The following MDFIC2 variants were observed in gnomAD, a reference collection of about 807,000 sequenced individuals.
MDFIC2 encodes MyoD family inhibitor domain containing 2.
chr3:70,265,877 G>A (rs1701912348), intron 2 of MDFIC2, among the ~76,000 whole-genome samples: 2 of 152,134 alleles, frequency 1.3e-5, no homozygotes, highest in Non-Finnish European at 1.5e-5. Context: ...CAGATCTCAT[G>A]AGACTCACTC....
At chr3:70,218,220 CTT>C (rs1701432973) in intron 2 of MDFIC2, among the ~76,000 whole-genome samples, 1 of 152,120 alleles carries the variant, frequency 6.6e-6, no homozygotes, top group Non-Finnish European at 1.5e-5. Context: ...GGTTAAAACA[CTT>C]ATTTCTATTT....
rs532828133 is a variant in MDFIC2, at chr3:70,255,909, C to T, written c.89-49119G>A. Among the ~76,000 whole-genome samples the T allele has an allele frequency of 2.6e-5, 4 of 152,094 alleles. No individual in the cohort carries two copies. In the East Asian group the frequency reaches 5.8e-4, roughly 22 times the overall value. On this transcript the variant is annotated intron_variant, in intron 2 of 3. Transcript: ENST00000567252. ...AAACTGTGTGGATCCTGAGCATTTA[C>T]AGGAAAAAAATTCTAATTACAGGGA...
At chr3:70,303,271 T>C (rs957904554) in intron 2 of MDFIC2, among the ~76,000 whole-genome samples, 6 of 152,170 alleles carry the variant, frequency 3.9e-5, no homozygotes, top group African/African-American at 1.4e-4. Flanking sequence ...AAGAAGCATC[T>C]ACCTCTCATT....
intron 2 of MDFIC2, among the ~76,000 whole-genome samples, chr3:70,264,539 A>T (rs1179914758): frequency 6.6e-6 from 1 of 152,230 alleles, no homozygotes; most frequent in Non-Finnish European, 1.5e-5. Context: ...ATTGGTGAGC[A>T]TGGACTTTGA....
intron 2 of MDFIC2, among the ~76,000 whole-genome samples, chr3:70,294,635 T>C (rs1702272483): frequency 6.6e-6 from 1 of 152,204 alleles, no homozygotes; most frequent in South Asian, 2.1e-4. Flanking sequence ...ACAGAAAACG[T>C]CAACTCAAAC....
chr3:70,307,193 G>T (rs905261686), intron 2 of MDFIC2, among the ~76,000 whole-genome samples: 7 of 152,032 alleles, frequency 4.6e-5, no homozygotes, highest in African/African-American at 1.7e-4. Flanking sequence ...TATTGTTGTT[G>T]TTTTGGTGGT....
At chr3:70,304,988 G>A (rs1305863341) in intron 2 of MDFIC2, among the ~76,000 whole-genome samples, 1 of 151,888 alleles carries the variant, frequency 6.6e-6, no homozygotes, top group Non-Finnish European at 1.5e-5. Flanking sequence ...CCAATGGAAT[G>A]CTTTTCCCAG....
At chr3:70,268,629 A>G (rs1701946473) in intron 2 of MDFIC2, among the ~76,000 whole-genome samples, 1 of 152,178 alleles carries the variant, frequency 6.6e-6, no homozygotes, top group South Asian at 2.1e-4. Context: ...GTATATTGAC[A>G]TGTAGCTTTC....
intron 2 of MDFIC2, among the ~76,000 whole-genome samples, chr3:70,255,773 A>G (rs976293896): frequency 5.9e-5 from 9 of 152,102 alleles, no homozygotes; most frequent in African/African-American, 1.9e-4. Flanking sequence ...CTATTTTTCA[A>G]CTGCAGCTTA....
chr3:70,254,611 A>G (rs1413581626), intron 2 of MDFIC2, among the ~76,000 whole-genome samples: 1 of 152,190 alleles, frequency 6.6e-6, no homozygotes, highest in Non-Finnish European at 1.5e-5. Context: ...CCAAAAGTGG[A>G]AAACAATTTT....
At chr3:70,300,530 A>G (rs1338588631) in intron 2 of MDFIC2, among the ~76,000 whole-genome samples, 1 of 152,004 alleles carries the variant, frequency 6.6e-6, no homozygotes, top group Non-Finnish European at 1.5e-5. Context: ...TATTATATAT[A>G]TATTAGCCTT....
chr3:70,221,552 A>T (rs1449490680), intron 2 of MDFIC2, among the ~76,000 whole-genome samples: 6 of 152,066 alleles, frequency 3.9e-5, no homozygotes, highest in Non-Finnish European at 8.8e-5. Context: ...CAGGAGCTTT[A>T]TGGCCTATTT....
intron 2 of MDFIC2, among the ~76,000 whole-genome samples, chr3:70,305,338 A>C (rs78296581): frequency 0.04 from 6,073 of 152,280 alleles, 160 homozygotes; most frequent in East Asian, 0.08. Context: ...TGAAAACTAC[A>C]GAAATAAGAG....
At chr3:70,211,422 TGCCCTTCCCTTC>T (rs1701346110) in intron 2 of MDFIC2, among the ~76,000 whole-genome samples, 1 of 24,104 alleles carries the variant, frequency 4.1e-5, no homozygotes, top group Non-Finnish European at 1.0e-4. Context: ...CCCTTCCCTT[TGCCCTTCCCTTC>T]CCTTCCCTTC....
chr3:70,288,704 G>T (rs1702193920), intron 2 of MDFIC2, among the ~76,000 whole-genome samples: 1 of 151,904 alleles, frequency 6.6e-6, no homozygotes, highest in East Asian at 1.9e-4. Flanking sequence ...AAGTCTCTTT[G>T]TAGGTCACTC....
intron 2 of MDFIC2, among the ~76,000 whole-genome samples, chr3:70,267,570 T>C (rs951163860): frequency 0.021 from 767 of 37,060 alleles, 5 homozygotes; most frequent in African/African-American, 0.054. Flanking sequence ...GCCCGGCTAA[T>C]TTTTTGTATT....
intron 2 of MDFIC2, among the ~76,000 whole-genome samples, chr3:70,265,328 G>T (rs1021590234): frequency 4.6e-5 from 7 of 152,176 alleles, no homozygotes; most frequent in Non-Finnish European, 7.3e-5. Context: ...TCCCAAGTGT[G>T]ATATTCTTTT....
Position 70,194,839 on chromosome 3 carries a change from T to C in MDFIC2, c.*2087A>G, listed in dbSNP as rs1701160701. On this transcript the variant is annotated 3_prime_UTR_variant, in exon 4 of 4. Coordinates refer to ENST00000567252, the MANE Select transcript of MDFIC2 (RefSeq NM_001364677.1). ...CAGGTACCATATTATAGGAATAGGGTTCCAGAGACCCCCAGGTGTTCCTCC... is the reference window on the plus strand; with the variant it reads ...CAGGTACCATATTATAGGAATAGGGCTCCAGAGACCCCCAGGTGTTCCTCC... Among the ~76,000 whole-genome samples, 1 of 152,138 alleles carries C rather than the reference T, an allele frequency of 6.6e-6. No individual in the cohort carries two copies. The highest frequency in any genetic ancestry group is 1.5e-5 in the Non-Finnish European group (1 of 68,028).
In MDFIC2 at chr3:70,250,409, T is replaced by TCACACA. The variant is rs1491108341; in HGVS notation, c.89-43620_89-43619insTGTGTG. On this transcript the variant is annotated intron_variant, in intron 2 of 3. Transcript: ENST00000567252. ...TATTCGGTATTTTTCTTTTAATGAATCTCACACACACACACACACACACAC... is the reference window on the plus strand; with the variant it reads ...TATTCGGTATTTTTCTTTTAATGAATCACACACTCACACACACACACACACACACAC... 7.6e-3 allele frequency among the ~76,000 whole-genome samples: 960 copies of TCACACA among 126,324 alleles called. 11 individuals are homozygous for TCACACA. Among genetic ancestry groups the TCACACA allele is most frequent in the African/African-American group, 0.027 (892 of 32,560 alleles). The allele number at this position is 126,324 out of a possible 152,430, so 82.9% of individuals were successfully genotyped here.
Sources: gnomAD v4.1 joint callset for allele counts (sites outside exome capture counted in the v4.1 genomes callset) on GRCh38, gnomAD v4.1.1 for gene constraint, MANE v1.5 for transcripts, NCBI Gene and HGNC (gene_info 2026-07-23, HGNC 2026-07-21) for gene names.